Variants in CCDC170 observed in about 807,000 individuals in gnomAD.
CCDC170 encodes the protein coiled-coil domain-containing protein 170.
In CCDC170, 69 loss-of-function variants were observed where a neutral mutation model predicts 72.6. The ratio of observed to expected loss-of-function variants is 0.95; its 90% CI spans 0.78 to 1.16. The LOEUF (loss-of-function observed/expected upper bound fraction) is 1.16. Among genes scored for constraint, CCDC170 ranks in the 50% most tolerant of loss-of-function variants. The probability of loss-of-function intolerance (pLI) is 0.00; values close to 1 mark genes in which losing one functional copy is unlikely to be tolerated. For synonymous variants in CCDC170, 300 were observed against 303.9 expected (o/e 0.99, Z 0.13); for missense variants, 852 against 832.5 (o/e 1.02, Z -0.29).
intron 7 of CCDC170, among the ~76,000 whole-genome samples, chr6:151,592,187 G>A (rs9479080): frequency 0.032 from 4,818 of 151,922 alleles, 233 homozygotes; most frequent in African/African-American, 0.11. Flanking sequence ...GTGAAACCCC[G>A]TCTCTGCTAA....
At chr6:151,579,789 A>G (rs1268865934) in intron 6 of CCDC170, among the ~76,000 whole-genome samples, 2 of 152,228 alleles carry the variant, frequency 1.3e-5, no homozygotes, top group Non-Finnish European at 2.9e-5. Context: ...GAACCAGTAC[A>G]CTGGAGCAGT....
intron 1 of CCDC170, among the ~76,000 whole-genome samples, chr6:151,515,883 T>G (rs1782227526): frequency 6.6e-6 from 1 of 151,934 alleles, no homozygotes; most frequent in South Asian, 2.1e-4. Flanking sequence ...CTGGCCAACA[T>G]GGTGAAACCC....
intron 1 of CCDC170, among the ~76,000 whole-genome samples, chr6:151,509,431 C>CTTTAGCATTTTTTT (rs1195621003): frequency 1.3e-5 from 2 of 152,106 alleles, no homozygotes; most frequent in African/African-American, 2.4e-5. Flanking sequence ...TGTACAAATG[C>CTTTAGCATTTTTTT]TAAAAAACTG....
In CCDC170 at chr6:151,573,465, G is replaced by T. The variant is rs769243058; in HGVS notation, c.1066G>T (p.Asp356Tyr). Residue 356 changes from aspartate (D) to tyrosine (Y), a missense_variant, in exon 6 of 11, where the codon GAC becomes TAC. Transcript: ENST00000239374. ...DTILEKIREM[D>Y]SREESRDRMV... is the part of the protein sequence containing the mutation. ...CATTTTGGAGAAGATTCGAGAAATGGACAGCCGGGAAGAAAGCAGGGACCG... is the reference window on the plus strand; with the variant it reads ...CATTTTGGAGAAGATTCGAGAAATGTACAGCCGGGAAGAAAGCAGGGACCG... 5.0e-6 allele frequency: 8 copies of T among 1,613,914 alleles called. No homozygotes were observed. The highest frequency in any genetic ancestry group is 6.8e-6 in the Non-Finnish European group (8 of 1,179,916).
chr6:151,536,475 A>T, intron 2 of CCDC170, 29 bp downstream of exon 2: 5 of 1,611,386 alleles, frequency 3.1e-6, no homozygotes, highest in Non-Finnish European at 4.2e-6. Context: ...AGCACTCAGA[A>T]ATGGGCCTTC....
intron 1 of CCDC170, among the ~76,000 whole-genome samples, chr6:151,509,795 T>G (rs1782122197): frequency 6.6e-6 from 1 of 152,196 alleles, no homozygotes; most frequent in Non-Finnish European, 1.5e-5. Flanking sequence ...AGGTGATCAT[T>G]TCAACTTTTA....
At position 151,526,519 on chromosome 6, in the gene CCDC170, C is replaced by CTTTT. The variant is rs577450833; in HGVS notation, c.58-9787_58-9784dup. Among the ~76,000 whole-genome samples, 48 of 131,652 alleles carry CTTTT rather than the reference C, an allele frequency of 3.6e-4. 1 individual carries two copies. The highest frequency in any genetic ancestry group is 6.7e-4 in the East Asian group (3 of 4,460). The allele number at this position is 131,652 out of a possible 152,430, so 86.4% of individuals were successfully genotyped here. On this transcript the variant is annotated intron_variant, in intron 1 of 10. Coordinates refer to ENST00000239374, the MANE Select transcript of CCDC170 (RefSeq NM_025059.4). ...ACAGGCATGAGCCACCCCGCCTGGC[C>CTTTT]TTTTTTTTTTTTTTTGAGATGGAGA... is the stretch of plus-strand genomic sequence containing the variant.
intron 5 of CCDC170, among the ~76,000 whole-genome samples, chr6:151,552,559 G>T (rs1485077007): frequency 6.6e-6 from 1 of 151,896 alleles, no homozygotes; most frequent in African/African-American, 2.4e-5. Context: ...TGGACACATG[G>T]GTTTTTATTT....
At chr6:151,510,180 G>T (rs1392754547) in intron 1 of CCDC170, among the ~76,000 whole-genome samples, 1 of 152,186 alleles carries the variant, frequency 6.6e-6, no homozygotes, top group Non-Finnish European at 1.5e-5. Context: ...CTGAGTAAGA[G>T]CATGGGCTTT....
chr6:151,515,306 G>T (rs9478210), intron 1 of CCDC170, among the ~76,000 whole-genome samples: 1 of 152,066 alleles, frequency 6.6e-6, no homozygotes. Flanking sequence ...TTATTGAGAC[G>T]GAGTCTCACT....
chr6:151,590,732 T>C (rs1284938923), intron 7 of CCDC170, among the ~76,000 whole-genome samples: 1 of 152,180 alleles, frequency 6.6e-6, no homozygotes, highest in Non-Finnish European at 1.5e-5. Flanking sequence ...ATAGAAACTT[T>C]CTCTTTGGGG....
intron 1 of CCDC170, among the ~76,000 whole-genome samples, chr6:151,505,432 C>T (rs1782052473): frequency 6.6e-6 from 1 of 152,070 alleles, no homozygotes; most frequent in Non-Finnish European, 1.5e-5. Flanking sequence ...GCCTGTAATC[C>T]CAGCACTTTG....
intron 1 of CCDC170, among the ~76,000 whole-genome samples, chr6:151,498,264 G>A (rs963188181): frequency 2.0e-5 from 3 of 147,768 alleles, no homozygotes; most frequent in Non-Finnish European, 4.5e-5. Context: ...AGAAGCAAAT[G>A]TAAATAGCAA....
intron 9 of CCDC170, among the ~76,000 whole-genome samples, chr6:151,602,700 C>T (rs1776726989): frequency 6.6e-6 from 1 of 152,168 alleles, no homozygotes; most frequent in South Asian, 2.1e-4. Flanking sequence ...GCTTCCCCTT[C>T]TGCCATGATT....
At chr6:151,574,203 T>C (rs901872107) in intron 6 of CCDC170, among the ~76,000 whole-genome samples, 1 of 152,164 alleles carries the variant, frequency 6.6e-6, no homozygotes, top group African/African-American at 2.4e-5. Context: ...ACAGAGCAAA[T>C]CCTGTCTCTA....
chr6:151,597,189 A>T (rs558771500), intron 9 of CCDC170, among the ~76,000 whole-genome samples: 1 of 151,788 alleles, frequency 6.6e-6, no homozygotes, highest in African/African-American at 2.4e-5. Flanking sequence ...CAGTGGCATG[A>T]TCTTGACTCA....
chr6:151,597,317 A>C (rs1237240393), intron 9 of CCDC170, among the ~76,000 whole-genome samples: 1 of 149,642 alleles, frequency 6.7e-6, no homozygotes, highest in East Asian at 2.0e-4. Flanking sequence ...TAGTAGAGAC[A>C]GGGTTTCACC....
At chr6:151,596,191 G>A (rs1776618991) in intron 8 of CCDC170, 144 bp from the exon 9 acceptor site, 1 of 1,035,312 alleles carries the variant, frequency 9.7e-7, no homozygotes, top group African/African-American at 1.6e-5. Flanking sequence ...AATGCAATCA[G>A]GAAAAGGAAT....
intron 5 of CCDC170, among the ~76,000 whole-genome samples, chr6:151,571,197 A>T (rs564650506): frequency 5.3e-5 from 8 of 152,342 alleles, no homozygotes; most frequent in African/African-American, 1.9e-4. Context: ...CTAATGCAAA[A>T]GAGGTGACTG....
Sources: gnomAD v4.1 joint callset for allele counts (sites outside exome capture counted in the v4.1 genomes callset) on GRCh38, gnomAD v4.1.1 for gene constraint, MANE v1.5 for transcripts, NCBI Gene and HGNC (gene_info 2026-07-23, HGNC 2026-07-21) for gene names.